Variants in NGLY1 observed in about 807,000 individuals in gnomAD.
The protein encoded by NGLY1 is N-glycanase 1.
NGLY1 carries 68 observed loss-of-function variants against 84.6 expected under a neutral mutation model. The observed-to-expected ratio is 0.80, with a 90% CI of 0.66 to 0.98. The LOEUF is 0.98. Ranked by LOEUF, NGLY1 falls within the 50% of genes least tolerant of loss-of-function variation. NGLY1 has a pLI of 0.00. For synonymous variants in NGLY1, 280 were observed against 275.2 expected, an observed-to-expected ratio of 1.02 and a Z score of -0.17; for missense variants, 779 against 770.2, an observed-to-expected ratio of 1.01 and a Z score of -0.14.
chr3:25,779,958 CTT>C (rs1708332548), intron 1 of NGLY1, among the ~76,000 whole-genome samples: 1 of 151,976 alleles, frequency 6.6e-6, no homozygotes, highest in Non-Finnish European at 1.5e-5. Context: ...GAAATTTTTT[CTT>C]TGTTTGTTTA....
chr3:25,775,701 A>C (rs1708125503), intron 2 of NGLY1, among the ~76,000 whole-genome samples: 1 of 152,238 alleles, frequency 6.6e-6, no homozygotes, highest in Non-Finnish European at 1.5e-5. Flanking sequence ...GAGGGATAGA[A>C]GGGACTGGGC....
chr3:25,765,619 A>G (rs1707525514), intron 2 of NGLY1, among the ~76,000 whole-genome samples: 1 of 152,216 alleles, frequency 6.6e-6, no homozygotes, highest in African/African-American at 2.4e-5. Context: ...ATGAAAGTCA[A>G]TTCCATCTGA....
At chr3:25,780,872 C>A (rs1575668889) in intron 1 of NGLY1, among the ~76,000 whole-genome samples, 1 of 151,996 alleles carries the variant, frequency 6.6e-6, no homozygotes, top group African/African-American at 2.4e-5. Context: ...CCTGGTACTA[C>A]AGGTTGGAGC....
chr3:25,735,871 A>G (rs143200633), intron 7 of NGLY1, 133 bp downstream of exon 7: 43 of 813,904 alleles, frequency 5.3e-5, no homozygotes, highest in Middle Eastern at 7.2e-4. Flanking sequence ...AGTGTATACA[A>G]ATAAAACTTA....
intron 1 of NGLY1, chr3:25,789,689 A>G: frequency 1.3e-6 from 1 of 793,586 alleles, no homozygotes; most frequent in South Asian, 1.8e-5. Context: ...TTTACTCACA[A>G]TTACTAATAA....
At position 25,720,093 on chromosome 3, in the gene NGLY1, T is replaced by C; in HGVS notation, c.1710A>G (p.Arg570=). Residue 570 remains arginine, a synonymous_variant, in exon 11 of 12, where the codon AGA becomes AGG. Transcript: ENST00000280700. ...VGLKVDSISI[R]TSSQTFQTGT... ...CAGTCTGAAAAGTTTGACTACTTGTTCTAATAGAAATGCTATCTACTTTTA... is the reference window on the plus strand; with the variant it reads ...CAGTCTGAAAAGTTTGACTACTTGTCCTAATAGAAATGCTATCTACTTTTA... 1 of 1,613,838 alleles carries C rather than the reference T, an allele frequency of 6.2e-7. No individual in the cohort carries two copies. The highest frequency in any genetic ancestry group is 8.5e-7 in the Non-Finnish European group (1 of 1,179,824).
chr3:25,760,911 A>G, intron 3 of NGLY1, among the ~76,000 whole-genome samples: 1 of 145,314 alleles, frequency 6.9e-6, no homozygotes, highest in Non-Finnish European at 1.5e-5. Flanking sequence ...AAAAAAAAAA[A>G]AAAAAAAAAG....
chr3:25,755,808 T>G (rs1166659984), intron 3 of NGLY1: 7 of 571,614 alleles, frequency 1.2e-5, no homozygotes, highest in African/African-American at 3.7e-5. Flanking sequence ...AACTGTTAGA[T>G]CTCTTTAGTA....
chr3:25,760,824 C>A lies in NGLY1; in HGVS notation c.492+3242G>T, dbSNP rs919144344. Among the ~76,000 whole-genome samples, 7 of 137,214 alleles carry A rather than the reference C, an allele frequency of 5.1e-5. No homozygotes were observed. The East Asian group carries it at 1.4e-3, about 28-fold the overall frequency. The allele number at this position is 137,214 out of a possible 152,430, so 90.0% of individuals were successfully genotyped here. On this transcript the variant is annotated intron_variant, in intron 3 of 11. Coordinates refer to ENST00000280700, the MANE Select transcript of NGLY1 (RefSeq NM_018297.4). ...GCGGTGAGCCGAGATCACGCCATTG[C>A]ACTCCAGCCTGGGCAACAAGAGTGA...
intron 2 of NGLY1, among the ~76,000 whole-genome samples, chr3:25,776,630 T>C (rs961415056): frequency 2.6e-4 from 39 of 152,128 alleles, no homozygotes; most frequent in Admixed American, 2.2e-3. Context: ...CAGGTGTTAG[T>C]TTCTCCCCTA....
Position 25,720,087 on chromosome 3 carries a change from A to T in NGLY1, c.1716T>A (p.Ser572Arg). ...LKVDSISIRT[S>R]SQTFQTGTVE... The stretch of plus-strand genomic sequence containing the variant: ...CTGTTCCAGTCTGAAAAGTTTGACT[A>T]CTTGTTCTAATAGAAATGCTATCTA... The change falls in exon 11 of 12, where the codon AGT (serine) becomes AGA (arginine). Residue 572 changes from serine to arginine, a missense_variant. Physicochemically the swap from Ser to Arg is moderately radical, Grantham distance 110 (BLOSUM62 -1). Transcript: ENST00000280700. 1 of 1,613,816 alleles carries T rather than the reference A, an allele frequency of 6.2e-7. No individual in the cohort carries two copies. Among genetic ancestry groups the T allele is most frequent in the Non-Finnish European group, 8.5e-7 (1 of 1,179,806 alleles).
chr3:25,738,179 G>A (rs558926247), intron 5 of NGLY1, among the ~76,000 whole-genome samples: 170 of 152,298 alleles, frequency 1.1e-3, no homozygotes, highest in Non-Finnish European at 1.5e-3. Context: ...CTAGCTCACT[G>A]TATTTAAAAG....
intron 3 of NGLY1, among the ~76,000 whole-genome samples, chr3:25,753,180 T>G (rs185080080): frequency 6.6e-6 from 1 of 152,254 alleles, no homozygotes; most frequent in Non-Finnish European, 1.5e-5. Flanking sequence ...AGTCTTCAAG[T>G]AAGAAGAAAC....
chr3:25,736,090 A>G lies in NGLY1; in HGVS notation c.1063T>C (p.Cys355Arg), dbSNP rs762908677. ...SQQRWLHCDA[C>R]EDVCDKPLLY... ...AGTGGCTTGTCACAGACATCTTCAC[A>G]TGCATCACAGTGCAGCCACCGCTGC... Residue 355 changes from cysteine to arginine, a missense_variant, in exon 7 of 12, where the codon TGT becomes CGT. By Grantham distance (180) the Cys-to-Arg change is radical. Transcript: ENST00000280700. The G allele has an allele frequency of 1.5e-5, 24 of 1,613,870 alleles. No individual in the cohort carries two copies. Among genetic ancestry groups the G allele is most frequent in the Non-Finnish European group, 2.0e-5 (24 of 1,179,972 alleles).
chr3:25,732,994 T>C (rs1559533237), intron 8 of NGLY1, among the ~76,000 whole-genome samples: 1 of 152,176 alleles, frequency 6.6e-6, no homozygotes. Context: ...AATTATTAAG[T>C]GGCATGAGAA....
At chr3:25,783,473 C>A (rs933630088), upstream of NGLY1, 1 of 1,332,084 alleles carries the variant, frequency 7.5e-7, no homozygotes, top group Non-Finnish European at 9.6e-7. The surrounding 1 kb of genome is among the most constrained non-coding windows in gnomAD (Gnocchi z 4.5). Context: ...CAGCAGCTAC[C>A]GCAGCCACCG....
intron 4 of NGLY1, among the ~76,000 whole-genome samples, chr3:25,741,762 G>T (rs542629823): frequency 6.6e-6 from 1 of 152,124 alleles, no homozygotes; most frequent in African/African-American, 2.4e-5. Context: ...AGGCTGAGGT[G>T]GGAGGATCAC....
rs117889176 is a variant in NGLY1 at position 25,719,550 on chromosome 3, G to A, written c.1875C>T (p.Val625=). ...EAELSRGDGD[V]AWQHTQLFRQ... is the part of the protein sequence containing the mutation. ...TAAACAGCTGGGTGTGTTGCCAAGC[G>A]ACATCACCATCTCCTCTGCTTAATT... The change falls in exon 12 of 12, where the codon GTC becomes GTT. Residue 625 remains valine (V), a synonymous_variant. Transcript: ENST00000280700. 6.9e-5 allele frequency: 112 copies of A among 1,613,666 alleles called. No homozygotes were observed. In the South Asian group the frequency reaches 9.6e-4, roughly 14 times the overall value.
At chr3:25,783,518 TC>T (rs2125332404), upstream of NGLY1, 3 of 806,244 alleles carry the variant, frequency 3.7e-6, no homozygotes, top group African/African-American at 2.4e-5. This position sits in a 1 kb window ranked among gnomAD's most constrained non-coding sequence, Gnocchi z 4.5. Context: ...AGGGGCGGGG[TC>T]CTCGGCCGGC....
Sources: allele counts gnomAD v4.1 joint callset (sites outside exome capture counted in the v4.1 genomes callset), GRCh38; gene constraint gnomAD v4.1.1; non-coding constraint Gnocchi (gnomAD v3.1); transcripts MANE v1.5; gene names NCBI Gene and HGNC (gene_info 2026-07-23, HGNC 2026-07-21).